The following CAV3 variants were observed in gnomAD, a reference collection of about 807,000 sequenced individuals.
CAV3 encodes caveolin 3, also known as caveolin-3.
Under a neutral mutation model 13.4 loss-of-function variants are expected in CAV3, and 10 were observed. The ratio of observed to expected loss-of-function variants is 0.75; its 90% confidence interval spans 0.46 to 1.27. The LOEUF is 1.27. CAV3 is among the 50% of genes most tolerant of loss of function. The pLI is 0.00. For missense variants in CAV3, 162 were observed against 194.0 expected (o/e 0.83, Z 0.98); for synonymous variants, 90 against 79.0 (o/e 1.14, Z -0.74).
chr3:8,734,249 G>T (rs780989528), intron 1 of CAV3, among the ~76,000 whole-genome samples: 5 of 151,870 alleles, frequency 3.3e-5, no homozygotes, highest in African/African-American at 1.2e-4. Flanking sequence ...CAGGAGGAGC[G>T]AGTCACAAAG....
At chr3:8,738,804 CAATGGATCACAGCACTGCTCCATGACT>C (rs1001523605) in intron 1 of CAV3, among the ~76,000 whole-genome samples, 4 of 152,288 alleles carry the variant, frequency 2.6e-5, no homozygotes, top group Admixed American at 1.3e-4. Context: ...GCAGACATGA[CAATGGATCACAGCACTGCTCCATGACT>C]AATGGATCAC....
intron 1 of CAV3, among the ~76,000 whole-genome samples, chr3:8,738,616 C>T (rs1707841828): frequency 6.6e-6 from 1 of 152,140 alleles, no homozygotes; most frequent in African/African-American, 2.4e-5. Flanking sequence ...GCTATATGGA[C>T]AGGTGGTATC....
intron 1 of CAV3, among the ~76,000 whole-genome samples, chr3:8,735,899 C>T (rs1707735819): frequency 6.6e-6 from 1 of 152,234 alleles, no homozygotes; most frequent in South Asian, 2.1e-4. Flanking sequence ...GTTGCTCCCA[C>T]TTCTGTCCCC....
In CAV3 at chr3:8,745,299, C is replaced by G. The variant is rs530721166; in HGVS notation, c.115-227C>G. On this transcript the variant is annotated intron_variant, in intron 1 of 1. Transcript: ENST00000343849. This position sits in a 1 kb window ranked among gnomAD's most constrained non-coding sequence, Gnocchi z 4.8. ...CCAAGCAGATGCCAGCACCATGATT[C>G]CTGCACAGATCACAGACCCATGGGC... Among the ~76,000 whole-genome samples the G allele has an allele frequency of 9.8e-5, 15 of 152,292 alleles. No homozygotes were observed. In the South Asian group the frequency reaches 2.9e-3, roughly 29 times the overall value.
In CAV3 at chr3:8,745,636, G is replaced by C; in HGVS notation, c.225G>C (p.Leu75=). The C allele has an allele frequency of 6.2e-7, 1 of 1,614,144 alleles. No individual in the cohort carries two copies. Among genetic ancestry groups the C allele is most frequent in the Non-Finnish European group, 8.5e-7 (1 of 1,180,006 alleles). ...TCTCCAAGTACTGGTGCTACCGTCT[G>C]TTGTCCACGCTGCTGGGCGTCCCAC... is the stretch of plus-strand genomic sequence containing the variant. ...FTVSKYWCYR[L]LSTLLGVPLA... Residue 75 remains leucine (L), a synonymous_variant, in exon 2 of 2, where the codon CTG becomes CTC. Transcript: ENST00000343849. The surrounding 1 kb of genome is among the most constrained non-coding windows in gnomAD (Gnocchi z 4.8).
In CAV3 at chr3:8,745,680, T is replaced by C. The variant is rs2124988540; in HGVS notation, c.269T>C (p.Phe90Ser). ...LGVPLALLWG[F>S]LFACISFCHI... is the part of the protein sequence containing the mutation. Reference sequence around the variant, plus strand: ...GTCCCACTGGCCCTGCTCTGGGGCTTCCTGTTCGCCTGCATCTCCTTCTGC... The same window carrying C: ...GTCCCACTGGCCCTGCTCTGGGGCTCCCTGTTCGCCTGCATCTCCTTCTGC... The change falls in exon 2 of 2, where the codon TTC (phenylalanine) becomes TCC (serine). Residue 90 changes from phenylalanine (F) to serine (S), a missense_variant. Physicochemically the swap from Phe to Ser is radical, Grantham distance 155. Coordinates refer to ENST00000343849, the MANE Select transcript of CAV3 (RefSeq NM_033337.3). The surrounding 1 kb of genome is among the most constrained non-coding windows in gnomAD (Gnocchi z 4.8). The C allele has an allele frequency of 1.9e-6, 3 of 1,614,186 alleles. No individual in the cohort carries two copies. The highest frequency in any genetic ancestry group is 2.5e-6 in the Non-Finnish European group (3 of 1,180,020).
intron 1 of CAV3, among the ~76,000 whole-genome samples, chr3:8,737,723 CA>C (rs1281870212): frequency 1.3e-5 from 2 of 152,182 alleles, no homozygotes; most frequent in Non-Finnish European, 2.9e-5. Flanking sequence ...TGTGCTGTCC[CA>C]GAGGACGTAG....
intron 1 of CAV3, among the ~76,000 whole-genome samples, chr3:8,742,035 C>T (rs1232818433): frequency 1.3e-5 from 2 of 152,184 alleles, no homozygotes; most frequent in Non-Finnish European, 2.9e-5. Flanking sequence ...CAGCCCACCA[C>T]CCTCCAAGAA....
chr3:8,744,104 T>C (rs928504055), intron 1 of CAV3, among the ~76,000 whole-genome samples: 15 of 152,000 alleles, frequency 9.9e-5, no homozygotes, highest in Admixed American at 2.6e-4. Flanking sequence ...CACCCCCTTT[T>C]AATTTGAATG....
intron 1 of CAV3, among the ~76,000 whole-genome samples, chr3:8,735,155 T>G (rs542307511): frequency 1.3e-5 from 2 of 152,356 alleles, no homozygotes; most frequent in Admixed American, 6.5e-5. Context: ...GCCAGTGCTG[T>G]CCAATAGGGA....
rs1473004678 is a variant in CAV3 at position 8,745,518 on chromosome 3, C to T, written c.115-8C>T. Reference sequence around the variant, plus strand: ...GTGAGTTGAGGCTTCCCCTTGCCACCCCTGCAGGTGGATTTTGAAGACGTG... The same window carrying T: ...GTGAGTTGAGGCTTCCCCTTGCCACTCCTGCAGGTGGATTTTGAAGACGTG... On this transcript the variant is annotated splice_region_variant and splice_polypyrimidine_tract_variant and intron_variant, in intron 1 of 1. Transcript: ENST00000343849. The surrounding 1 kb of genome is among the most constrained non-coding windows in gnomAD (Gnocchi z 4.8). 1 of 1,612,266 alleles carries T rather than the reference C, an allele frequency of 6.2e-7. No individual in the cohort carries two copies. The highest frequency in any genetic ancestry group is 8.5e-7 in the Non-Finnish European group (1 of 1,178,392).
chr3:8,741,916 G>T (rs1167104455), intron 1 of CAV3, among the ~76,000 whole-genome samples: 1 of 152,166 alleles, frequency 6.6e-6, no homozygotes, highest in Non-Finnish European at 1.5e-5. Flanking sequence ...ATATGCCACA[G>T]AAGGGGACAC....
Position 8,738,420 on chromosome 3 carries a change from G to A in CAV3, c.114+4430G>A, listed in dbSNP as rs567132243. On this transcript the variant is annotated intron_variant, in intron 1 of 1. Transcript: ENST00000343849. ...GGTTTGTGCTCATCAGGGACACCCT[G>A]TTGCACAAAGAAGAAACTGACCTGG... is the stretch of plus-strand genomic sequence containing the variant. Among the ~76,000 whole-genome samples, 122 of 152,348 alleles carry A rather than the reference G, an allele frequency of 8.0e-4. 2 individuals carry two copies. The South Asian group carries it at 0.024, about 31-fold the overall frequency.
chr3:8,734,573 C>T (rs1707685431), intron 1 of CAV3, among the ~76,000 whole-genome samples: 1 of 152,160 alleles, frequency 6.6e-6, no homozygotes, highest in Non-Finnish European at 1.5e-5. Flanking sequence ...CCGGGACCCT[C>T]GAAGAGAAAG....
chr3:8,742,040 C>T (rs1232389575), intron 1 of CAV3, among the ~76,000 whole-genome samples: 1 of 152,178 alleles, frequency 6.6e-6, no homozygotes, highest in Non-Finnish European at 1.5e-5. Context: ...CACCACCCTC[C>T]AAGAAAAAGC....
chr3:8,744,487 A>AGGGTTTCACTGTGGACCAGT (rs1708086057), intron 1 of CAV3, among the ~76,000 whole-genome samples: 2 of 134,050 alleles, frequency 1.5e-5, no homozygotes, highest in Non-Finnish European at 3.1e-5. Flanking sequence ...TAGTAGAGAC[A>AGGGTTTCACTGTGGACCAGT]GGGTTTCACT....
Position 8,746,206 on chromosome 3 carries a change from C to T in CAV3, c.*339C>T, listed in dbSNP as rs190266441. The T allele has an allele frequency of 5.6e-5, 13 of 232,636 alleles. No homozygotes were observed. The South Asian group carries it at 9.2e-4, about 17-fold the overall frequency. The allele number at this position is 232,636 out of a possible 1,614,324, so 14.4% of individuals were successfully genotyped here. ...TTCCCACCCGGGGCCAACCTCTCCA[C>T]GCGCACTCAGGAAAGTGACCAGTGA... On this transcript the variant is annotated 3_prime_UTR_variant, in exon 2 of 2. Transcript: ENST00000343849.
chr3:8,734,833 C>A (rs1349098957), intron 1 of CAV3, among the ~76,000 whole-genome samples: 4 of 152,240 alleles, frequency 2.6e-5, no homozygotes, highest in African/African-American at 7.2e-5. Flanking sequence ...ATTCTCCCTC[C>A]TCCACCTCCT....
intron 1 of CAV3, among the ~76,000 whole-genome samples, chr3:8,744,275 A>ATTTTT (rs35889837): frequency 0.023 from 2,730 of 120,776 alleles, 161 homozygotes; most frequent in African/African-American, 0.093. Context: ...GACCAGTGGA[A>ATTTTT]TTTTTTTTTT....
Sources: allele counts gnomAD v4.1 joint callset (sites outside exome capture counted in the v4.1 genomes callset), GRCh38; gene constraint gnomAD v4.1.1; non-coding constraint Gnocchi (gnomAD v3.1); transcripts MANE v1.5; gene names NCBI Gene and HGNC (gene_info 2026-07-23, HGNC 2026-07-21).